CAPN14: variants seen among roughly 807,000 people sequenced by gnomAD.
The protein encoded by CAPN14 is calpain-14.
CAPN14 carries 94 observed loss-of-function variants against 101.3 expected under a neutral mutation model. The ratio of observed to expected loss-of-function variants is 0.93; its 90% confidence interval spans 0.79 to 1.10. The LOEUF is 1.10. Ranked by LOEUF, CAPN14 falls within the 50% of genes least tolerant of loss-of-function variation. The probability of loss-of-function intolerance (pLI) is 0.00; values close to 1 mark genes in which losing one functional copy is unlikely to be tolerated. For synonymous variants in CAPN14, 338 were observed against 317.9 expected (o/e 1.06, Z -0.67); for missense variants, 837 against 828.4 (o/e 1.01, Z -0.13).
chr2:31,181,008 G>A lies in CAPN14; in HGVS notation c.1646-8C>T, dbSNP rs1285261387. 6.4e-7 allele frequency: 1 copy of A among 1,551,386 alleles called. No individual in the cohort carries two copies. Among genetic ancestry groups the A allele is most frequent in the Non-Finnish European group, 8.7e-7 (1 of 1,146,792 alleles). ...GCTGTCTGCTCCCCAGACCTGTGAA[G>A]GAGCGAAAGAGTCCACATGGGGGCT... On this transcript the variant is annotated splice_region_variant and splice_polypyrimidine_tract_variant and intron_variant, in intron 16 of 21. Coordinates refer to ENST00000403897, the MANE Select transcript of CAPN14 (RefSeq NM_001145122.2).
At chr2:31,200,000 G>T (rs941589721) in intron 6 of CAPN14, among the ~76,000 whole-genome samples, 5 of 152,016 alleles carry the variant, frequency 3.3e-5, no homozygotes, top group Non-Finnish European at 7.4e-5. Context: ...TGCTGCTCTG[G>T]TTTTTTTGTT....
At chr2:31,209,370 G>T (rs1205156689) in intron 1 of CAPN14, among the ~76,000 whole-genome samples, 1 of 152,054 alleles carries the variant, frequency 6.6e-6, no homozygotes, top group Admixed American at 6.6e-5. Flanking sequence ...ATAGATGCTG[G>T]GTGCTAGGAA....
upstream of CAPN14, among the ~76,000 whole-genome samples, chr2:31,218,935 G>A (rs959711263): frequency 6.6e-6 from 1 of 151,050 alleles, no homozygotes; most frequent in Non-Finnish European, 1.5e-5. Flanking sequence ...TATGAGGATA[G>A]CAGAAGCAGT....
chr2:31,182,084 C>G (rs111744295), intron 16 of CAPN14, among the ~76,000 whole-genome samples: 4 of 152,068 alleles, frequency 2.6e-5, no homozygotes, highest in African/African-American at 9.7e-5. Flanking sequence ...TCTAGATCCC[C>G]GAGGATTCGC....
At chr2:31,210,348 T>C (rs1682329422) in intron 1 of CAPN14, among the ~76,000 whole-genome samples, 1 of 152,058 alleles carries the variant, frequency 6.6e-6, no homozygotes, top group Admixed American at 6.5e-5. Flanking sequence ...CTCGGGAGGC[T>C]GAGGCAGGAG....
rs373135400 is a variant in CAPN14, at chr2:31,206,212, G to A, written c.-52-713C>T. The stretch of plus-strand genomic sequence containing the variant: ...GGTGCTGGGGGCCAGCAGCTCCCAC[G>A]TGGAGGCCTCCCAAGGATGTCTCTC... On this transcript the variant is annotated intron_variant, in intron 1 of 21. Coordinates refer to ENST00000403897, the MANE Select transcript of CAPN14 (RefSeq NM_001145122.2). Among the ~76,000 whole-genome samples, 134 of 151,812 alleles carry A rather than the reference G, an allele frequency of 8.8e-4. No homozygotes were observed. The East Asian group carries it at 0.014, about 16-fold the overall frequency.
intron 8 of CAPN14, among the ~76,000 whole-genome samples, chr2:31,195,557 G>A (rs1387085127): frequency 6.6e-6 from 1 of 152,124 alleles, no homozygotes; most frequent in African/African-American, 2.4e-5. Context: ...GGCTGGTCTT[G>A]AACTCCTGAC....
chr2:31,225,762 T>C (rs1212970728), intron 2 of CAPN14, among the ~76,000 whole-genome samples: 9 of 152,120 alleles, frequency 5.9e-5, no homozygotes. Context: ...TGGTATGGTG[T>C]TGACTGGGGG....
upstream of CAPN14, among the ~76,000 whole-genome samples, chr2:31,221,548 G>GT (rs143895594): frequency 8.5e-3 from 1,275 of 150,736 alleles, 15 homozygotes; most frequent in South Asian, 0.056. Flanking sequence ...TTGGGGTTTG[G>GT]TTTTTTTTTG....
At chr2:31,186,116 C>A (rs556082736) in intron 16 of CAPN14, among the ~76,000 whole-genome samples, 1 of 152,294 alleles carries the variant, frequency 6.6e-6, no homozygotes, top group Non-Finnish European at 1.5e-5. Context: ...AGTTCTTCCA[C>A]ATGGAATTGA....
rs746037373 is a variant in CAPN14, at chr2:31,194,503, T to A, written c.876-20A>T. The A allele has an allele frequency of 9.2e-6, 14 of 1,527,290 alleles. No individual in the cohort carries two copies. Among genetic ancestry groups the A allele is most frequent in the South Asian group, 1.2e-5 (1 of 83,524 alleles). The allele number at this position is 1,527,290 out of a possible 1,614,324, so 94.6% of individuals were successfully genotyped here. Reference sequence around the variant, plus strand: ...CTTGAACTGAAAATAGAAAAGGGAATGAAAAGCTTGTGGGGAGCATGCTAG... The same window carrying A: ...CTTGAACTGAAAATAGAAAAGGGAAAGAAAAGCTTGTGGGGAGCATGCTAG... On this transcript the variant is annotated intron_variant, in intron 8 of 21. Transcript: ENST00000403897.
In CAPN14 at chr2:31,223,614, C is replaced by T. The variant is rs148853118; in HGVS notation, c.-53+2914G>A. ...GACAATCTCGGCTCACTGCAGCCTC[C>T]GCCTCCTAGGTTCAAGCAATTCTCC... is the stretch of plus-strand genomic sequence containing the variant. On this transcript the variant is annotated intron_variant and NMD_transcript_variant, in intron 2 of 21. Coordinates refer to the CAPN14 transcript ENST00000398824. Among the ~76,000 whole-genome samples the T allele has an allele frequency of 9.8e-4, 147 of 150,706 alleles. 2 individuals carry two copies. In the East Asian group the frequency reaches 0.024, roughly 24 times the overall value.
chr2:31,196,691 A>T (rs930654533), intron 8 of CAPN14, among the ~76,000 whole-genome samples: 1 of 152,142 alleles, frequency 6.6e-6, no homozygotes, highest in Non-Finnish European at 1.5e-5. Flanking sequence ...CAAAACCCGC[A>T]TTTCTTTAGG....
intron 1 of CAPN14, among the ~76,000 whole-genome samples, chr2:31,214,133 A>G (rs544625396): frequency 6.6e-6 from 1 of 152,338 alleles, no homozygotes; most frequent in Non-Finnish European, 1.5e-5. Flanking sequence ...CATTCATGAT[A>G]TAGTCACATA....
intron 21 of CAPN14, among the ~76,000 whole-genome samples, chr2:31,175,645 G>A (rs148463179): frequency 2.0e-5 from 3 of 152,346 alleles, no homozygotes; most frequent in East Asian, 1.9e-4. Context: ...TCTGGCCATT[G>A]GCCCTCCAGT....
rs1458148220 is a variant in CAPN14, at chr2:31,230,591, T to G, written c.-177+3200A>C. ...TTAGTGTGGTTTGGCATTTCTCTAATTACTAATGAGATGCAACATGTTTTC... is the reference window on the plus strand; with the variant it reads ...TTAGTGTGGTTTGGCATTTCTCTAAGTACTAATGAGATGCAACATGTTTTC... On this transcript the variant is annotated intron_variant and NMD_transcript_variant, in intron 1 of 21. Coordinates refer to the CAPN14 transcript ENST00000398824. The surrounding 1 kb of genome is among the most constrained non-coding windows in gnomAD (Gnocchi z 4.3). Among the ~76,000 whole-genome samples, 1 of 152,250 alleles carries G rather than the reference T, an allele frequency of 6.6e-6. No homozygotes were observed. Among genetic ancestry groups the G allele is most frequent in the African/African-American group, 2.4e-5 (1 of 41,468 alleles).
upstream of CAPN14, among the ~76,000 whole-genome samples, chr2:31,219,320 T>C (rs1484675178): frequency 2.0e-5 from 3 of 152,140 alleles, no homozygotes; most frequent in African/African-American, 7.2e-5. Context: ...ACTGTGGCCT[T>C]TTAACATCTC....
At chr2:31,223,137 C>A (rs749727555) in intron 2 of CAPN14, among the ~76,000 whole-genome samples, 1 of 152,218 alleles carries the variant, frequency 6.6e-6, no homozygotes, top group Non-Finnish European at 1.5e-5. Flanking sequence ...CAATCTACAG[C>A]ATTTTGTCCT....
At position 31,193,187 on chromosome 2, in the gene CAPN14, C is replaced by T. The variant is rs896199846; in HGVS notation, c.1058G>A (p.Arg353Gln). ...GCTCCGCTTCTCCCATCTCCCCTCC[C>T]GCATGGTGTACGTCCACTTCTGGGC... ...EAAQKWTYTM[R>Q]EGRWEKRSTA... The change falls in exon 10 of 22, where the codon CGG becomes CAG. Residue 353 changes from arginine (R) to glutamine (Q), a missense_variant. Transcript: ENST00000403897. 2.6e-6 allele frequency: 4 copies of T among 1,551,508 alleles called. No homozygotes were observed. The highest frequency in any genetic ancestry group is 2.7e-5 in the African/African-American group (2 of 73,052).
Sources: allele counts gnomAD v4.1 joint callset (sites outside exome capture counted in the v4.1 genomes callset), GRCh38; gene constraint gnomAD v4.1.1; non-coding constraint Gnocchi (gnomAD v3.1); transcripts MANE v1.5; gene names NCBI Gene and HGNC (gene_info 2026-07-23, HGNC 2026-07-21).